GRM5: variants seen among roughly 807,000 people sequenced by gnomAD.
GRM5 encodes glutamate metabotropic receptor 5, also known as metabotropic glutamate receptor 5.
In GRM5, 19 loss-of-function variants were observed where a neutral mutation model predicts 83.1. That is an observed-to-expected ratio of 0.23 (90% CI 0.16 to 0.34). The LOEUF (loss-of-function observed/expected upper bound fraction) is 0.34. Ranked by LOEUF, GRM5 falls within the 10% of genes least tolerant of loss-of-function variation. The pLI is 1.00. For missense variants in GRM5, 1,160 were observed against 1,588.3 expected (o/e 0.73, Z 4.58); for synonymous variants, 675 against 633.6 (o/e 1.07, Z -0.98).
intron 3 of GRM5, among the ~76,000 whole-genome samples, chr11:88,769,200 A>G (rs1942680766): frequency 1.3e-5 from 2 of 152,130 alleles, no homozygotes; most frequent in Admixed American, 1.3e-4. Context: ...CTGGAGTGGG[A>G]ATTTGTGGAT....
chr11:88,836,170 C>A (rs1944091610), intron 3 of GRM5, among the ~76,000 whole-genome samples: 1 of 152,166 alleles, frequency 6.6e-6, no homozygotes, highest in Non-Finnish European at 1.5e-5. Context: ...AGGAAGCAAA[C>A]CTCTCCTGTA....
Position 88,790,899 on chromosome 11 carries a change from A to G in GRM5, c.911+59007T>C, listed in dbSNP as rs1943161247. On this transcript the variant is annotated intron_variant, in intron 3 of 9. Coordinates refer to ENST00000305447, the MANE Select transcript of GRM5 (RefSeq NM_001143831.3). ...ACAAATAATTTGAACTTTATCTTGCAGGCAATGGGGAGCCTCTGGAAATTT... is the reference window on the plus strand; with the variant it reads ...ACAAATAATTTGAACTTTATCTTGCGGGCAATGGGGAGCCTCTGGAAATTT... 2.6e-5 allele frequency among the ~76,000 whole-genome samples: 4 copies of G among 152,342 alleles called. No homozygotes were observed. The South Asian group carries it at 8.3e-4, about 32-fold the overall frequency.
At chr11:88,804,011 G>C (rs1436239088) in intron 3 of GRM5, among the ~76,000 whole-genome samples, 1 of 150,994 alleles carries the variant, frequency 6.6e-6, no homozygotes, top group Non-Finnish European at 1.5e-5. Context: ...AGTTAGAATG[G>C]CAATCATTAA....
chr11:88,884,624 C>A (rs1340466228), intron 2 of GRM5, among the ~76,000 whole-genome samples: 5 of 152,080 alleles, frequency 3.3e-5, no homozygotes, highest in African/African-American at 1.2e-4. Flanking sequence ...TGTCTCTACC[C>A]AAATCTTGAA....
At chr11:88,965,584 A>C (rs1565312270) in intron 2 of GRM5, among the ~76,000 whole-genome samples, 1 of 152,166 alleles carries the variant, frequency 6.6e-6, no homozygotes, top group Non-Finnish European at 1.5e-5. Context: ...CAAACACACA[A>C]ACCAAACAAA....
chr11:89,025,709 T>C (rs1235420874), intron 2 of GRM5, among the ~76,000 whole-genome samples: 3 of 152,150 alleles, frequency 2.0e-5, no homozygotes, highest in Admixed American at 1.3e-4. Flanking sequence ...CAAGGTTGCA[T>C]AGAAAAAAGA....
At chr11:88,742,409 G>A (rs1404088672) in intron 3 of GRM5, among the ~76,000 whole-genome samples, 1 of 152,002 alleles carries the variant, frequency 6.6e-6, no homozygotes, top group Non-Finnish European at 1.5e-5. Context: ...TAAGACGGTA[G>A]GAAATTTACA....
At chr11:89,044,141 C>T (rs538827849) in intron 2 of GRM5, among the ~76,000 whole-genome samples, 60 of 152,024 alleles carry the variant, frequency 3.9e-4, no homozygotes, top group Non-Finnish European at 7.6e-4. Flanking sequence ...GGCAAAGGAC[C>T]CTTTACATTT....
intron 2 of GRM5, among the ~76,000 whole-genome samples, chr11:88,985,230 T>C (rs1939665499): frequency 6.6e-6 from 1 of 152,168 alleles, no homozygotes; most frequent in Non-Finnish European, 1.5e-5. Context: ...CCATAACTCA[T>C]GCTCCTACAT....
At chr11:88,748,333 G>A (rs1269064283) in intron 3 of GRM5, among the ~76,000 whole-genome samples, 1 of 152,066 alleles carries the variant, frequency 6.6e-6, no homozygotes, top group Admixed American at 6.6e-5. Flanking sequence ...TTAATCCAGG[G>A]AGCCAAGCAG....
chr11:89,061,991 T>A (rs1942004642), intron 1 of GRM5, among the ~76,000 whole-genome samples: 1 of 152,186 alleles, frequency 6.6e-6, no homozygotes, highest in Non-Finnish European at 1.5e-5. Context: ...GCTATGTACA[T>A]TTTTCTCCTA....
At chr11:89,061,188 G>A (rs1041229382) in intron 1 of GRM5, among the ~76,000 whole-genome samples, 1 of 152,082 alleles carries the variant, frequency 6.6e-6, no homozygotes, top group Admixed American at 6.5e-5. Context: ...TACCTCACAT[G>A]TACGTATACA....
chr11:88,989,047 T>C (rs1283975012), intron 2 of GRM5, among the ~76,000 whole-genome samples: 1 of 151,530 alleles, frequency 6.6e-6, no homozygotes, highest in Non-Finnish European at 1.5e-5. Context: ...AATGCTCCAA[T>C]TAAAAGACAC....
intron 2 of GRM5, chr11:88,925,840 C>T: frequency 2.3e-6 from 1 of 429,130 alleles, no homozygotes; most frequent in Non-Finnish European, 4.7e-6. Context: ...ACCTGAAAGG[C>T]AGAGGTTACA....
At chr11:89,043,435 G>T (rs554138273) in intron 2 of GRM5, among the ~76,000 whole-genome samples, 2 of 152,212 alleles carry the variant, frequency 1.3e-5, no homozygotes, top group Admixed American at 1.3e-4. Context: ...TTAACTATTT[G>T]AAACATTCAG....
intron 2 of GRM5, among the ~76,000 whole-genome samples, chr11:89,017,688 C>T (rs866398247): frequency 2.0e-5 from 3 of 152,148 alleles, no homozygotes; most frequent in African/African-American, 7.2e-5. Flanking sequence ...CAAGCTTGAA[C>T]CCTTTAACAC....
intron 5 of GRM5, among the ~76,000 whole-genome samples, chr11:88,602,545 A>G (rs565786461): frequency 6.6e-6 from 1 of 152,310 alleles, no homozygotes; most frequent in African/African-American, 2.4e-5. Flanking sequence ...CTCAGCTGGG[A>G]ATGCCTTTGA....
At chr11:88,655,086 T>C (rs1939733438) in intron 3 of GRM5, among the ~76,000 whole-genome samples, 1 of 152,138 alleles carries the variant, frequency 6.6e-6, no homozygotes, top group Non-Finnish European at 1.5e-5. Flanking sequence ...GACAAAAAGA[T>C]ATTAAAAATT....
At chr11:88,652,107 C>A (rs1438237401) in intron 4 of GRM5, among the ~76,000 whole-genome samples, 1 of 152,030 alleles carries the variant, frequency 6.6e-6, no homozygotes, top group Non-Finnish European at 1.5e-5. Context: ...GTAAAGGCAT[C>A]TATACCACCA....
Sources: gnomAD v4.1 joint callset for allele counts (sites outside exome capture counted in the v4.1 genomes callset) on GRCh38, gnomAD v4.1.1 for gene constraint, MANE v1.5 for transcripts, NCBI Gene and HGNC (gene_info 2026-07-23, HGNC 2026-07-21) for gene names.